DEPTOR: variants seen among roughly 807,000 people sequenced by gnomAD.
The protein encoded by DEPTOR is DEP domain containing MTOR interacting protein, also known as DEP domain-containing mTOR-interacting protein.
Under a neutral mutation model 41.6 loss-of-function variants are expected in DEPTOR, and 41 were observed. That is an observed-to-expected ratio of 0.98 (90% CI 0.77 to 1.28). The LOEUF (loss-of-function observed/expected upper bound fraction) is 1.28, where lower values mean the gene tolerates loss of function less well. Among genes scored for constraint, DEPTOR ranks in the 50% most tolerant of loss-of-function variants. DEPTOR has a pLI of 0.00. For missense variants in DEPTOR, 514 were observed against 527.9 expected (o/e 0.97, Z 0.26); for synonymous variants, 195 against 192.3 (o/e 1.01, Z -0.12).
intron 8 of DEPTOR, among the ~76,000 whole-genome samples, chr8:120,015,839 G>A (rs936935144): frequency 6.6e-6 from 1 of 152,084 alleles, no homozygotes; most frequent in Non-Finnish European, 1.5e-5. Flanking sequence ...TGTCATTCAC[G>A]TAGCCCGAAA....
chr8:120,040,312 C>T (rs1813043486), intron 8 of DEPTOR, among the ~76,000 whole-genome samples: 1 of 152,080 alleles, frequency 6.6e-6, no homozygotes. Context: ...CTTGGTGGCT[C>T]ACGCCTGTAA....
intron 1 of DEPTOR, among the ~76,000 whole-genome samples, chr8:119,896,646 G>T (rs7459671): frequency 0.5 from 75,605 of 151,894 alleles, 20,537 homozygotes; most frequent in East Asian, 0.92. Context: ...ATTACAGGCA[G>T]GTGCCACTGT....
intron 3 of DEPTOR, among the ~76,000 whole-genome samples, chr8:119,946,318 A>T (rs913845882): frequency 1.5e-4 from 23 of 152,188 alleles, no homozygotes; most frequent in Admixed American, 7.9e-4. Flanking sequence ...TTTAATGATA[A>T]AGTTAAATTT....
At chr8:119,993,067 G>A (rs1812200940) in intron 4 of DEPTOR, among the ~76,000 whole-genome samples, 1 of 152,106 alleles carries the variant, frequency 6.6e-6, no homozygotes, top group Admixed American at 6.6e-5. Flanking sequence ...CCCCTTTTAA[G>A]TAATCAGCTT....
At chr8:119,961,799 A>G (rs1400348755) in intron 3 of DEPTOR, among the ~76,000 whole-genome samples, 1 of 152,146 alleles carries the variant, frequency 6.6e-6, no homozygotes, top group African/African-American at 2.4e-5. Flanking sequence ...TTTGTATTGT[A>G]TATTATTATT....
chr8:119,939,261 T>C (rs1325019378), intron 3 of DEPTOR, among the ~76,000 whole-genome samples: 1 of 152,206 alleles, frequency 6.6e-6, no homozygotes, highest in Non-Finnish European at 1.5e-5. Context: ...GGCTCGCTCA[T>C]CTTCTGTAGC....
intron 8 of DEPTOR, among the ~76,000 whole-genome samples, chr8:120,019,691 T>A (rs1239842415): frequency 6.6e-6 from 1 of 152,248 alleles, no homozygotes. Flanking sequence ...CGGTCAGCCA[T>A]GTCGTCCTTC....
intron 7 of DEPTOR, among the ~76,000 whole-genome samples, chr8:120,008,233 G>A (rs1812475304): frequency 6.6e-6 from 1 of 151,926 alleles, no homozygotes; most frequent in Admixed American, 6.6e-5. Flanking sequence ...TTGGTGGAGG[G>A]CTCCCTTGGT....
At chr8:120,009,253 C>T (rs1812494764) in intron 8 of DEPTOR, 120 bp downstream of exon 8, 1 of 845,028 alleles carries the variant, frequency 1.2e-6, no homozygotes, top group Non-Finnish European at 1.8e-6. Context: ...CTATTTCTGC[C>T]CTCTCTTTCT....
rs550135983 is a variant in DEPTOR at position 119,963,701 on chromosome 8, C to T, written c.426-1531C>T. Among the ~76,000 whole-genome samples, 8 of 152,184 alleles carry T rather than the reference C, an allele frequency of 5.3e-5. No homozygotes were observed. The East Asian group carries it at 1.4e-3, about 26-fold the overall frequency. ...AGAATAAGGACTGACATTTGTGTTA[C>T]ATTGCATCATATATGGATGCATAGG... On this transcript the variant is annotated intron_variant, in intron 3 of 8. Transcript: ENST00000286234.
intron 4 of DEPTOR, among the ~76,000 whole-genome samples, chr8:119,995,855 G>T (rs1406698703): frequency 6.6e-6 from 1 of 152,056 alleles, no homozygotes; most frequent in African/African-American, 2.4e-5. Context: ...GTGATTTATT[G>T]GTGCCATAAT....
intron 4 of DEPTOR, among the ~76,000 whole-genome samples, chr8:119,996,063 T>G (rs1586650295): frequency 6.6e-6 from 1 of 152,290 alleles, no homozygotes; most frequent in East Asian, 1.9e-4. Flanking sequence ...AAGTGATACA[T>G]ACAATTGTCA....
intron 4 of DEPTOR, among the ~76,000 whole-genome samples, chr8:119,985,062 A>C (rs902143167): frequency 1.3e-5 from 2 of 152,158 alleles, no homozygotes; most frequent in African/African-American, 4.8e-5. Context: ...AATCCCAGCT[A>C]CTTGGGAGGC....
At chr8:120,024,910 G>A (rs539186334) in intron 8 of DEPTOR, among the ~76,000 whole-genome samples, 1 of 152,246 alleles carries the variant, frequency 6.6e-6, no homozygotes, top group African/African-American at 2.4e-5. Flanking sequence ...AAGGGGTCAG[G>A]GCATTGGATA....
chr8:120,035,642 A>G lies in DEPTOR; in HGVS notation c.1102-13934A>G, dbSNP rs182672608. On this transcript the variant is annotated intron_variant, in intron 8 of 8. Transcript: ENST00000286234. ...CGCCTCCCGGGTTCAAGTGATTCTC[A>G]TGCCTCAGCCTCCCAAGTAGCTGAG... Among the ~76,000 whole-genome samples, 242 of 152,162 alleles carry G rather than the reference A, an allele frequency of 1.6e-3. 1 individual carries two copies. Among genetic ancestry groups the G allele is most frequent in the African/African-American group, 5.7e-3 (235 of 41,524 alleles).
At chr8:120,021,576 A>G (rs1030745669) in intron 8 of DEPTOR, among the ~76,000 whole-genome samples, 47 of 152,210 alleles carry the variant, frequency 3.1e-4, no homozygotes, top group African/African-American at 1.1e-3. Context: ...TGCAAACAAA[A>G]CACAAAGTAA....
chr8:119,875,553 A>C (rs1451639024), intron 1 of DEPTOR, among the ~76,000 whole-genome samples: 1 of 152,198 alleles, frequency 6.6e-6, no homozygotes, highest in Non-Finnish European at 1.5e-5. Flanking sequence ...GAGGGGTAGA[A>C]AGAAAGTAAA....
At chr8:119,922,189 A>T (rs549249079) in intron 1 of DEPTOR, among the ~76,000 whole-genome samples, 1 of 151,602 alleles carries the variant, frequency 6.6e-6, no homozygotes, top group African/African-American at 2.4e-5. Context: ...CAGTGAGCCA[A>T]GATGGCGCCA....
intron 1 of DEPTOR, among the ~76,000 whole-genome samples, chr8:119,897,756 A>G (rs1252791750): frequency 6.6e-6 from 1 of 152,156 alleles, no homozygotes; most frequent in Non-Finnish European, 1.5e-5. Flanking sequence ...CGGCCTCCCA[A>G]AGTGCTGGGA....
Sources: gnomAD v4.1 joint callset for allele counts (sites outside exome capture counted in the v4.1 genomes callset) on GRCh38, gnomAD v4.1.1 for gene constraint, MANE v1.5 for transcripts, NCBI Gene and HGNC (gene_info 2026-07-23, HGNC 2026-07-21) for gene names.